The following RMDN2 variants were observed in gnomAD, a reference collection of about 807,000 sequenced individuals.
RMDN2 encodes regulator of microtubule dynamics 2.
Under a neutral mutation model 52.8 loss-of-function variants are expected in RMDN2, and 61 were observed. That is an observed-to-expected ratio of 1.16 (90% CI 0.94 to 1.43). The LOEUF (loss-of-function observed/expected upper bound fraction) is 1.43. RMDN2 is among the 40% of genes most tolerant of loss of function. The pLI, the probability that RMDN2 is intolerant of heterozygous loss-of-function variation, is 0.00. For synonymous variants in RMDN2, 180 were observed against 153.1 expected, an observed-to-expected ratio of 1.18 and a Z score of -1.30; for missense variants, 592 against 475.3, an observed-to-expected ratio of 1.25 and a Z score of -2.28.
chr2:37,962,981 G>A (rs1670465374), intron 2 of RMDN2: 1 of 152,738 alleles, frequency 6.5e-6, no homozygotes, highest in Admixed American at 6.5e-5. Context: ...TGCACTTCCT[G>A]GGTGAGGCAA....
At chr2:37,977,521 C>T (rs1241001936) in intron 4 of RMDN2, among the ~76,000 whole-genome samples, 7 of 151,286 alleles carry the variant, frequency 4.6e-5, no homozygotes, top group Admixed American at 3.3e-4. Context: ...CCTCACTTCC[C>T]GGATGGGGCG....
chr2:37,952,271 CTG>C (rs59393160), intron 2 of RMDN2: 644,067 of 1,402,382 alleles, frequency 0.46, 155,148 homozygotes, highest in South Asian at 0.54. Context: ...CTTTCATAGC[CTG>C]TAGAATTCAT....
chr2:38,056,048 C>A (rs1271114340), intron 10 of RMDN2, among the ~76,000 whole-genome samples: 1 of 152,190 alleles, frequency 6.6e-6, no homozygotes, highest in African/African-American at 2.4e-5. Flanking sequence ...TACGTGTGCT[C>A]CCCACCTCAC....
intron 10 of RMDN2, among the ~76,000 whole-genome samples, chr2:38,049,789 G>A (rs897288195): frequency 7.9e-5 from 12 of 152,172 alleles, no homozygotes; most frequent in Admixed American, 5.2e-4. Flanking sequence ...GACTGGTCTC[G>A]AACTCCTGGT....
At chr2:37,951,134 G>C (rs149778538) in intron 2 of RMDN2, 1 of 1,151,636 alleles carries the variant, frequency 8.7e-7, no homozygotes, top group African/African-American at 1.5e-5. Context: ...ATACCAATTG[G>C]TGGACACCAA....
At chr2:38,057,177 G>T (rs1016012230) in intron 10 of RMDN2, among the ~76,000 whole-genome samples, 1 of 152,186 alleles carries the variant, frequency 6.6e-6, no homozygotes, top group African/African-American at 2.4e-5. Context: ...GAAATAGATG[G>T]TGCAGACCAG....
chr2:37,956,712 T>C (rs1233831287), intron 2 of RMDN2, among the ~76,000 whole-genome samples: 2 of 152,042 alleles, frequency 1.3e-5, no homozygotes, highest in South Asian at 2.1e-4. Context: ...GAAGTGCAGG[T>C]TTGTTACATA....
intron 10 of RMDN2, chr2:38,026,921 T>C (rs774644523): frequency 7.1e-6 from 1 of 141,610 alleles, no homozygotes; most frequent in Non-Finnish European, 1.5e-5. Flanking sequence ...TAAAAGTCTG[T>C]TTTGTTTCAG....
intron 2 of RMDN2, among the ~76,000 whole-genome samples, chr2:37,953,505 C>T (rs1308787720): frequency 6.6e-6 from 1 of 152,008 alleles, no homozygotes; most frequent in African/African-American, 2.4e-5. Flanking sequence ...ATCCATGTTA[C>T]AGCATATGTC....
chr2:37,951,063 C>T (rs1668717146), intron 2 of RMDN2, among the ~76,000 whole-genome samples: 2 of 152,066 alleles, frequency 1.3e-5, no homozygotes. Context: ...TCTGTGTGAC[C>T]ATTAACTTAA....
intron 2 of RMDN2, among the ~76,000 whole-genome samples, chr2:37,939,560 T>A (rs1667601018): frequency 6.6e-6 from 1 of 152,240 alleles, no homozygotes; most frequent in Non-Finnish European, 1.5e-5. Flanking sequence ...AATTGCTTTA[T>A]GAATCTGGGT....
At chr2:38,045,848 AT>A (rs1462099319) in intron 10 of RMDN2, among the ~76,000 whole-genome samples, 1 of 152,238 alleles carries the variant, frequency 6.6e-6, no homozygotes, top group Non-Finnish European at 1.5e-5. Context: ...GGAACAAAGC[AT>A]GGCAAAGCAT....
chr2:38,057,542 T>C (rs558471644), intron 10 of RMDN2, among the ~76,000 whole-genome samples: 9 of 152,322 alleles, frequency 5.9e-5, no homozygotes, highest in African/African-American at 2.2e-4. Flanking sequence ...AGGAGATTCA[T>C]CTTACCAAGA....
chr2:38,063,900 T>G (rs60314960), intron 10 of RMDN2, among the ~76,000 whole-genome samples: 9,706 of 152,226 alleles, frequency 0.064, 358 homozygotes, highest in South Asian at 0.11. Flanking sequence ...TGTAGTAGTA[T>G]TTCACTGTGC....
At position 37,981,352 on chromosome 2, in the gene RMDN2, A is replaced by G; in HGVS notation, c.791+9A>G. 2 of 1,577,826 alleles carry G rather than the reference A, an allele frequency of 1.3e-6. No homozygotes were observed. The highest frequency in any genetic ancestry group is 1.7e-6 in the Non-Finnish European group (2 of 1,147,386). On this transcript the variant is annotated intron_variant, in intron 5 of 10. Coordinates refer to ENST00000354545, the MANE Select transcript of RMDN2 (RefSeq NM_001170791.3). ...GGACATTGTCATCTGTGGTAAGTGTATAGGATTTATGCAGTCTTTTAAATT... is the reference window on the plus strand; with the variant it reads ...GGACATTGTCATCTGTGGTAAGTGTGTAGGATTTATGCAGTCTTTTAAATT...
rs781146705 is a variant in RMDN2, at chr2:37,986,911, T to A, written c.792-2630T>A. The stretch of plus-strand genomic sequence containing the variant: ...CTTTCCCACCATTGAGAAACTAAGA[T>A]CAGGAGCAAGGTAAGGATGTTCCCT... On this transcript the variant is annotated intron_variant, in intron 5 of 10. Transcript: ENST00000354545. Among the ~76,000 whole-genome samples, 74 of 152,094 alleles carry A rather than the reference T, an allele frequency of 4.9e-4. 1 individual carries two copies. Among genetic ancestry groups the A allele is most frequent in the South Asian group, 4.2e-4 (2 of 4,812 alleles).
intron 2 of RMDN2, among the ~76,000 whole-genome samples, chr2:37,960,871 G>A (rs1670130996): frequency 6.6e-6 from 1 of 152,168 alleles, no homozygotes; most frequent in Non-Finnish European, 1.5e-5. Context: ...AGGAACTCTT[G>A]TAAGGCAGGC....
At chr2:38,012,629 A>G (rs1000763141) in intron 10 of RMDN2, 6 of 466,406 alleles carry the variant, frequency 1.3e-5, no homozygotes, top group Admixed American at 2.4e-5. Context: ...ATTCTTAGCA[A>G]TTTTTTTCCA....
At chr2:38,049,678 T>C (rs1363770030) in intron 10 of RMDN2, among the ~76,000 whole-genome samples, 1 of 152,094 alleles carries the variant, frequency 6.6e-6, no homozygotes, top group East Asian at 1.9e-4. Flanking sequence ...GCTCAAGCAA[T>C]CCTCCTGTTT....
Sources: allele counts gnomAD v4.1 joint callset (sites outside exome capture counted in the v4.1 genomes callset), GRCh38; gene constraint gnomAD v4.1.1; transcripts MANE v1.5; gene names NCBI Gene and HGNC (gene_info 2026-07-23, HGNC 2026-07-21).